Variants in USP28 observed in about 807,000 individuals in gnomAD.
USP28 encodes the protein ubiquitin specific peptidase 28, also known as ubiquitin carboxyl-terminal hydrolase 28.
A neutral mutation model predicts 145.0 loss-of-function variants in USP28; 113 were observed. The ratio of observed to expected loss-of-function variants is 0.78; its 90% CI spans 0.67 to 0.91. The LOEUF is 0.91. USP28 is among the 40% of genes least tolerant of loss of function. The probability of loss-of-function intolerance (pLI) is 0.00; values close to 1 mark genes in which losing one functional copy is unlikely to be tolerated. For synonymous variants in USP28, 447 were observed against 450.9 expected, an observed-to-expected ratio of 0.99 and a Z score of 0.11; for missense variants, 1,201 against 1,289.6, an observed-to-expected ratio of 0.93 and a Z score of 1.05.
At chr11:113,803,815 T>C (rs1374809982) in exon 22 of USP28, 1 of 1,613,740 alleles carries the variant, frequency 6.2e-7, no homozygotes, top group Non-Finnish European at 8.5e-7. Flanking sequence ...TTTGATAGAG[T>C]TCTAGGCCTG....
At chr11:113,869,081 A>T (rs1225783021) in intron 1 of USP28, among the ~76,000 whole-genome samples, 1 of 151,586 alleles carries the variant, frequency 6.6e-6, no homozygotes, top group East Asian at 2.0e-4. Context: ...GACTTGGTTC[A>T]TAAGTTTGAG....
At chr11:113,875,558 G>A in exon 1 of USP28, 3 of 1,115,388 alleles carry the variant, frequency 2.7e-6, no homozygotes, top group Non-Finnish European at 2.2e-6. Flanking sequence ...CGCCGGCCCA[G>A]CCTCTCAGGA....
intron 19 of USP28, 26 bp from the exon 21 acceptor site, chr11:113,805,072 G>C (rs1277267891): frequency 1.9e-6 from 3 of 1,609,326 alleles, no homozygotes; most frequent in Non-Finnish European, 2.5e-6. Context: ...TCAATGGTTA[G>C]AAAATAGTGT....
chr11:113,839,896 C>T (rs1476404194), intron 5 of USP28, among the ~76,000 whole-genome samples: 1 of 152,104 alleles, frequency 6.6e-6, no homozygotes, highest in Non-Finnish European at 1.5e-5. Flanking sequence ...GTGGTACATG[C>T]CTGTAGTCTC....
At chr11:113,798,693 A>C (rs1292511405) in exon 25 of USP28, 2 of 152,656 alleles carry the variant, frequency 1.3e-5, no homozygotes, top group Non-Finnish European at 2.9e-5. Context: ...TCAACATCTC[A>C]CTGCCATGTG....
chr11:113,815,501 C>T, intron 13 of USP28, 119 bp from the exon 14 acceptor site: 1 of 924,736 alleles, frequency 1.1e-6, no homozygotes. Context: ...TGAGCATTAA[C>T]TCTATAAAGG....
At chr11:113,871,537 C>A (rs1182155502) in intron 1 of USP28, among the ~76,000 whole-genome samples, 1 of 152,140 alleles carries the variant, frequency 6.6e-6, no homozygotes, top group Non-Finnish European at 1.5e-5. Flanking sequence ...TCCAGAGTCA[C>A]AATCAAAGTC....
intron 18 of USP28, 54 bp downstream of exon 19, chr11:113,807,892 CAAGAG>C: frequency 1.0e-6 from 1 of 978,902 alleles, no homozygotes; most frequent in Non-Finnish European, 1.2e-6. Flanking sequence ...AATATAGTCA[CAAGAG>C]AAGGAAATAT....
In USP28 at chr11:113,838,461, C is replaced by A. The variant is rs1292357614; in HGVS notation, c.534+2137G>T. ...AAGCTCTTCCACTCCACCTCCACCACCTTTCCTATCCCACTGCTATCAGTT... is the reference window on the plus strand; with the variant it reads ...AAGCTCTTCCACTCCACCTCCACCAACTTTCCTATCCCACTGCTATCAGTT... On this transcript the variant is annotated intron_variant, in intron 5 of 24. Transcript: ENST00000003302. 3.9e-5 allele frequency among the ~76,000 whole-genome samples: 6 copies of A among 152,332 alleles called. No homozygotes were observed. In the South Asian group the frequency reaches 1.0e-3, roughly 26 times the overall value.
intron 12 of USP28, among the ~76,000 whole-genome samples, chr11:113,823,218 T>C (rs1223300488): frequency 6.6e-6 from 1 of 152,224 alleles, no homozygotes; most frequent in Non-Finnish European, 1.5e-5. Flanking sequence ...AAGCACTGTT[T>C]TTTATCTTTC....
chr11:113,809,755 G>A (rs1300552403), intron 16 of USP28, among the ~76,000 whole-genome samples: 3 of 152,124 alleles, frequency 2.0e-5, no homozygotes, highest in South Asian at 2.1e-4. Context: ...AAAGTGGGCC[G>A]GGTGCAGTGG....
intron 1 of USP28, among the ~76,000 whole-genome samples, chr11:113,868,906 ACAGAGTAAGAC>A (rs949540622): frequency 4.6e-5 from 7 of 150,818 alleles, no homozygotes; most frequent in African/African-American, 1.7e-4. Context: ...AGCCTAGGTG[ACAGAGTAAGAC>A]CATGTCTCAA....
intron 3 of USP28, among the ~76,000 whole-genome samples, chr11:113,843,170 T>C (rs1193124268): frequency 2.0e-5 from 3 of 151,938 alleles, no homozygotes; most frequent in African/African-American, 7.3e-5. Flanking sequence ...AGGCGGAGGT[T>C]GCAATGAGCT....
In USP28 at chr11:113,854,239, C is replaced by G. The variant is rs200505970; in HGVS notation, c.135+19G>C. The G allele has an allele frequency of 6.2e-7, 1 of 1,606,080 alleles. No individual in the cohort carries two copies. The highest frequency in any genetic ancestry group is 1.7e-5 in the Admixed American group (1 of 58,918). On this transcript the variant is annotated intron_variant, in intron 2 of 24. Transcript: ENST00000003302. ...AGCTGCTTTAAAGCCTCCTGACTAA[C>G]AGAGATCTGGAAACCAACCTTCAGA...
intron 1 of USP28, among the ~76,000 whole-genome samples, chr11:113,860,635 C>T (rs1370643179): frequency 2.0e-5 from 3 of 151,466 alleles, no homozygotes; most frequent in Non-Finnish European, 4.4e-5. Flanking sequence ...TATGGTGAAA[C>T]CCCATCTCTA....
chr11:113,809,954 G>C (rs1294050968), intron 16 of USP28, among the ~76,000 whole-genome samples: 1 of 146,064 alleles, frequency 6.8e-6, no homozygotes, highest in African/African-American at 2.6e-5. Context: ...AGAATCGCTT[G>C]AACCTGGGAG....
intron 6 of USP28, among the ~76,000 whole-genome samples, chr11:113,833,899 T>C (rs1305436739): frequency 6.6e-6 from 1 of 152,078 alleles, no homozygotes; most frequent in Non-Finnish European, 1.5e-5. Flanking sequence ...AAAAACAGAA[T>C]AAAATAGACT....
chr11:113,850,859 G>A (rs981684436), intron 3 of USP28, among the ~76,000 whole-genome samples: 3 of 152,158 alleles, frequency 2.0e-5, no homozygotes, highest in African/African-American at 7.2e-5. Flanking sequence ...CCTCTCCTCT[G>A]AACTGTGCAC....
rs1947996659 is a variant in USP28, at chr11:113,863,940, G to A, written c.58-9605C>T. On this transcript the variant is annotated intron_variant, in intron 1 of 24. Coordinates refer to ENST00000003302, the Ensembl canonical transcript of USP28. ...AGCCTGGGCGACACAGCGAGACTCCGTCTCGAAAAAAAAAATTGCTGGTCA... is the reference window on the plus strand; with the variant it reads ...AGCCTGGGCGACACAGCGAGACTCCATCTCGAAAAAAAAAATTGCTGGTCA... Among the ~76,000 whole-genome samples, 4 of 139,264 alleles carry A rather than the reference G, an allele frequency of 2.9e-5. No homozygotes were observed. In the East Asian group the frequency reaches 6.6e-4, roughly 23 times the overall value. 91.4% of individuals were successfully genotyped at this position (139,264 alleles called of 152,430 possible).
Sources: allele counts gnomAD v4.1 joint callset (sites outside exome capture counted in the v4.1 genomes callset), GRCh38; gene constraint gnomAD v4.1.1; transcripts MANE v1.5; gene names NCBI Gene and HGNC (gene_info 2026-07-23, HGNC 2026-07-21).